The following KDSR variants were observed in gnomAD, a reference collection of about 807,000 sequenced individuals.
KDSR encodes 3-ketodihydrosphingosine reductase, also known as 3-dehydrosphinganine reductase.
KDSR carries 23 observed loss-of-function variants against 41.3 expected under a neutral mutation model. The ratio of observed to expected loss-of-function variants is 0.56; its 90% confidence interval spans 0.40 to 0.79. The LOEUF is 0.79. Ranked by LOEUF, KDSR falls within the 30% of genes least tolerant of loss-of-function variation. The pLI, the probability that KDSR is intolerant of heterozygous loss-of-function variation, is 0.00. For missense variants in KDSR, 351 were observed against 416.8 expected (o/e 0.84, Z 1.37); for synonymous variants, 138 against 151.7 (o/e 0.91, Z 0.66).
chr18:63,330,262 T>G lies in KDSR; in HGVS notation c.*1520A>C. The G allele has an allele frequency of 4.7e-6, 1 of 210,666 alleles. No homozygotes were observed. The highest frequency in any genetic ancestry group is 7.1e-5 in the East Asian group (1 of 14,062). 13.0% of individuals were successfully genotyped at this position (210,666 alleles called of 1,614,324 possible). A position where few individuals can be genotyped will look rare whatever the true frequency, so the allele number is the denominator to read the frequency against. ...GTTTTATTTTACAATTTAAGAAAGT[T>G]TCCTCTTCAAAAACAGAGGTCTTTT... On this transcript the variant is annotated 3_prime_UTR_variant, in exon 10 of 10. Coordinates refer to ENST00000645214, the MANE Select transcript of KDSR (RefSeq NM_002035.4).
intron 6 of KDSR, among the ~76,000 whole-genome samples, chr18:63,350,230 C>T (rs1053820409): frequency 6.6e-6 from 1 of 152,214 alleles, no homozygotes; most frequent in Non-Finnish European, 1.5e-5. Flanking sequence ...CTTCAAGCAG[C>T]TGAGGTGTAA....
In KDSR at chr18:63,350,936, A is replaced by G. The variant is rs1204515910; in HGVS notation, c.561T>C (p.Ser187=). The G allele has an allele frequency of 2.5e-6, 4 of 1,613,994 alleles. No individual in the cohort carries two copies. The Admixed American group carries it at 6.7e-5, about 27-fold the overall frequency. The change falls in exon 6 of 10, where the codon TCT becomes TCC. Residue 187 remains serine (S), a synonymous_variant. Transcript: ENST00000645214. ...QLGLFGFTAY[S]ASKFAIRGLA... The stretch of plus-strand genomic sequence containing the variant: ...ATCCCCTTATGGCAAACTTGGATGC[A>G]GAGTAGGCTGTGAAACCGAATAATC...
rs1913882754 is a variant in KDSR at position 63,328,682 on chromosome 18, T to G, written c.*3100A>C. 5.8e-6 allele frequency: 1 copy of G among 173,530 alleles called. No individual in the cohort carries two copies. The highest frequency in any genetic ancestry group is 1.2e-5 in the Non-Finnish European group (1 of 80,140). The allele number at this position is 173,530 out of a possible 1,614,324, so 10.7% of individuals were successfully genotyped here. ...GCCCAGAGAAAGATTTATAACTAAA[T>G]ATATAGAAAAGAATAATTCCCATGA... On this transcript the variant is annotated 3_prime_UTR_variant, in exon 10 of 10. Transcript: ENST00000645214.
intron 7 of KDSR, among the ~76,000 whole-genome samples, chr18:63,340,364 G>A (rs1179929740): frequency 6.6e-6 from 1 of 152,064 alleles, no homozygotes; most frequent in African/African-American, 2.4e-5. Flanking sequence ...AAAAGAATAG[G>A]GGGAAAAAAC....
At chr18:63,358,382 T>C (rs1167080584) in intron 3 of KDSR, among the ~76,000 whole-genome samples, 1 of 152,100 alleles carries the variant, frequency 6.6e-6, no homozygotes, top group African/African-American at 2.4e-5. Flanking sequence ...AAATTGATTT[T>C]GATGACAGTT....
intron 1 of KDSR, among the ~76,000 whole-genome samples, chr18:63,363,762 G>T (rs1207432272): frequency 6.6e-6 from 1 of 152,136 alleles, no homozygotes; most frequent in Non-Finnish European, 1.5e-5. Flanking sequence ...ACAATCACAA[G>T]GAAATCCTGA....
At position 63,337,227 on chromosome 18, in the gene KDSR, T is replaced by C. The variant is rs567145662; in HGVS notation, c.777+1573A>G. Among the ~76,000 whole-genome samples, 53 of 151,740 alleles carry C rather than the reference T, an allele frequency of 3.5e-4. 1 individual carries two copies. The highest frequency in any genetic ancestry group is 1.1e-3 in the African/African-American group (46 of 41,308). ...ACCTCCTGGGTTCAAGCGATTCTCC[T>C]GTCTCAGCCTCCCAAGTAGCTGGGA... On this transcript the variant is annotated intron_variant, in intron 8 of 9. Transcript: ENST00000645214.
chr18:63,363,219 CTT>C (rs1185123481), intron 1 of KDSR, among the ~76,000 whole-genome samples: 6 of 111,440 alleles, frequency 5.4e-5, no homozygotes, highest in Non-Finnish European at 3.9e-5. Context: ...TTTTTTTTTT[CTT>C]TTTTTTTTTT....
Position 63,355,283 on chromosome 18 carries a change from C to A in KDSR, c.338G>T (p.Gly113Val). 6.2e-7 allele frequency: 1 copy of A among 1,614,050 alleles called. No homozygotes were observed. The highest frequency in any genetic ancestry group is 8.5e-7 in the Non-Finnish European group (1 of 1,179,950). ...ACAATTTACCAGCATGTCCACTGGACCCAGTTTCTCCTGTGCCTAGAAAAA... is the reference window on the plus strand; with the variant it reads ...ACAATTTACCAGCATGTCCACTGGAACCAGTTTCTCCTGTGCCTAGAAAAA... ...NVIKQAQEKL[G>V]PVDMLVNCAG... Residue 113 changes from glycine to valine, a missense_variant, in exon 5 of 10, where the codon GGT (glycine) becomes GTT (valine). Physicochemically the swap from Gly to Val is moderately radical, Grantham distance 109. Coordinates refer to ENST00000645214, the MANE Select transcript of KDSR (RefSeq NM_002035.4).
intron 8 of KDSR, 44 bp downstream of exon 8, chr18:63,338,756 G>A: frequency 8.3e-7 from 1 of 1,200,730 alleles, no homozygotes; most frequent in Non-Finnish European, 1.2e-6. Context: ...CAGAAATATA[G>A]TACTACAAAC....
chr18:63,364,074 C>T (rs1915066934), intron 1 of KDSR, among the ~76,000 whole-genome samples: 1 of 152,156 alleles, frequency 6.6e-6, no homozygotes, highest in African/African-American at 2.4e-5. Context: ...AACCCTCCAA[C>T]CACAGTACCT....
rs146971450 is a variant in KDSR at position 63,362,692 on chromosome 18, T to G, written c.198+87A>C. On this transcript the variant is annotated intron_variant, in intron 2 of 9. Coordinates refer to ENST00000645214, the MANE Select transcript of KDSR (RefSeq NM_002035.4). ...CATCAAGGAAGAAGCGCTTTCTAGG[T>G]GTGAATGCTAAGATGTTTAGCACAG... 2.4e-3 allele frequency: 2,019 copies of G among 845,620 alleles called. 18 individuals are homozygous for G. The highest frequency in any genetic ancestry group is 9.4e-3 in the Middle Eastern group (42 of 4,456). The allele number at this position is 845,620 out of a possible 1,614,324, so 52.4% of individuals were successfully genotyped here. A position where few individuals can be genotyped will look rare whatever the true frequency, so the allele number is the denominator to read the frequency against.
rs183986724 is a variant in KDSR, at chr18:63,333,145, G to A, written c.880-1244C>T. ...CTTGCTCTGTCACCCAGGCTGGAGTGCAGGAGTATGATCACAGCTCACTGT... is the reference window on the plus strand; with the variant it reads ...CTTGCTCTGTCACCCAGGCTGGAGTACAGGAGTATGATCACAGCTCACTGT... On this transcript the variant is annotated intron_variant, in intron 9 of 9. Transcript: ENST00000645214. 9.2e-5 allele frequency among the ~76,000 whole-genome samples: 14 copies of A among 152,258 alleles called. No homozygotes were observed. The East Asian group carries it at 2.5e-3, about 27-fold the overall frequency.
intron 3 of KDSR, 111 bp downstream of exon 3, chr18:63,359,625 A>G: frequency 1.4e-6 from 1 of 723,754 alleles, no homozygotes; most frequent in Non-Finnish European, 2.4e-6. Flanking sequence ...CTTTTAAAAA[A>G]CAGTACATAT....
chr18:63,357,197 T>C (rs938651342), intron 3 of KDSR, among the ~76,000 whole-genome samples: 1 of 152,172 alleles, frequency 6.6e-6, no homozygotes, highest in Non-Finnish European at 1.5e-5. Context: ...TACCAAGTAT[T>C]GGCAGGGATG....
Position 63,336,771 on chromosome 18 carries a change from T to C in KDSR, c.778-1413A>G, listed in dbSNP as rs376146532. On this transcript the variant is annotated intron_variant, in intron 8 of 9. Transcript: ENST00000645214. Reference sequence around the variant, plus strand: ...GCAACTAACCTTTAAGAAACTACCATTTGTTGAGTTTGGGTTTGATATCAA... The same window carrying C: ...GCAACTAACCTTTAAGAAACTACCACTTGTTGAGTTTGGGTTTGATATCAA... Among the ~76,000 whole-genome samples the C allele has an allele frequency of 3.3e-5, 5 of 152,292 alleles. 1 individual carries two copies. Among genetic ancestry groups the C allele is most frequent in the Admixed American group, 6.5e-5 (1 of 15,304 alleles).
intron 3 of KDSR, among the ~76,000 whole-genome samples, chr18:63,358,470 T>C (rs1914866124): frequency 6.6e-6 from 1 of 152,038 alleles, no homozygotes; most frequent in South Asian, 2.1e-4. Context: ...ATAAATTATA[T>C]CTCATAAAGC....
At chr18:63,359,641 T>C (rs1204978970) in intron 3 of KDSR, 95 bp downstream of exon 3, 1 of 823,998 alleles carries the variant, frequency 1.2e-6, no homozygotes, top group Non-Finnish European at 2.1e-6. Context: ...CATATATGCT[T>C]TCAATTAACT....
chr18:63,331,982 T>G, intron 9 of KDSR, 81 bp from the exon 10 acceptor site: 2 of 1,432,384 alleles, frequency 1.4e-6, no homozygotes, highest in Admixed American at 2.1e-5. Context: ...ACAAACAGTT[T>G]CTAAGACAAA....
Sources: allele counts gnomAD v4.1 joint callset (sites outside exome capture counted in the v4.1 genomes callset), GRCh38; gene constraint gnomAD v4.1.1; transcripts MANE v1.5; gene names NCBI Gene and HGNC (gene_info 2026-07-23, HGNC 2026-07-21).